The following MYOF variants were observed in gnomAD, a reference collection of about 807,000 sequenced individuals.
MYOF encodes fer-1-like 3, myoferlin.
Under a neutral mutation model 284.2 loss-of-function variants are expected in MYOF, and 244 were observed. That is an observed-to-expected ratio of 0.86 (90% confidence interval 0.77 to 0.95). MYOF has a LOEUF of 0.95. Among genes scored for constraint, MYOF ranks in the 40% least tolerant of loss-of-function variants. MYOF has a pLI of 0.00. For missense variants in MYOF, 2,496 were observed against 2,560.6 expected (o/e 0.97, Z 0.54); for synonymous variants, 904 against 919.7 (o/e 0.98, Z 0.31).
At chr10:93,418,480 A>T (rs1848224068) in intron 5 of MYOF, among the ~76,000 whole-genome samples, 1 of 152,234 alleles carries the variant, frequency 6.6e-6, no homozygotes, top group African/African-American at 2.4e-5. Context: ...GCATGTTCCA[A>T]TATGTAGACC....
rs1846998938 is a variant in MYOF at position 93,396,158 on chromosome 10, A to G, written c.1401T>C (p.Ser467=). 1.9e-6 allele frequency: 3 copies of G among 1,609,154 alleles called. No homozygotes were observed. The African/African-American group carries it at 4.0e-5, about 22-fold the overall frequency. ...TYLHLSKIAA[S]GGEVEDFSSS... ...GTGACTTACCTTCCACTTCCCCACCAGAGGCAGCAATTTTAGAGAGGTGTA... is the reference window on the plus strand; with the variant it reads ...GTGACTTACCTTCCACTTCCCCACCGGAGGCAGCAATTTTAGAGAGGTGTA... Residue 467 remains serine, a synonymous_variant, in exon 16 of 54, where the codon TCT becomes TCC. Coordinates refer to ENST00000359263, the MANE Select transcript of MYOF (RefSeq NM_013451.4).
intron 39 of MYOF, among the ~76,000 whole-genome samples, chr10:93,339,365 ATTTG>A (rs935953685): frequency 7.2e-5 from 5 of 69,438 alleles, no homozygotes; most frequent in African/African-American, 2.1e-4. Flanking sequence ...TATGCTTCTT[ATTTG>A]TGTGTGTGTG....
In MYOF at chr10:93,313,201, T is replaced by TCTAGGAAACCTAGC. The variant is rs765698303; in HGVS notation, c.5699-5_5707dup (p.Glu1903GlyfsTer2). The TCTAGGAAACCTAGC allele has an allele frequency of 6.8e-6, 11 of 1,612,814 alleles. No individual in the cohort carries two copies. In the East Asian group the frequency reaches 2.2e-4, roughly 33 times the overall value. On this transcript the variant is annotated stop_gained and frameshift_variant, in exon 51 of 54. Coordinates refer to ENST00000359263, the MANE Select transcript of MYOF (RefSeq NM_013451.4). LOFTEE classifies it high-confidence loss of function. ...AATGATCGTGTGACGCAAGTCAAGT[T>TCTAGGAAACCTAGC]CTAGGAAACCTAGCCAAGGAAACAA...
At chr10:93,389,640 A>G (rs543144378) in intron 17 of MYOF, among the ~76,000 whole-genome samples, 228 of 152,344 alleles carry the variant, frequency 1.5e-3, no homozygotes, top group Non-Finnish European at 2.5e-3. Flanking sequence ...TTTTATATGT[A>G]ATAATAAACT....
At chr10:93,445,051 G>C (rs984226594) in intron 3 of MYOF, among the ~76,000 whole-genome samples, 27 of 152,304 alleles carry the variant, frequency 1.8e-4, no homozygotes, top group African/African-American at 6.5e-4. Flanking sequence ...CTAGGGTGGA[G>C]CTTATAAAAG....
chr10:93,323,031 A>G (rs184597522), intron 48 of MYOF, 47 bp downstream of exon 48: 4 of 1,530,240 alleles, frequency 2.6e-6, no homozygotes, highest in Non-Finnish European at 3.6e-6. Context: ...CGAAGGAGAG[A>G]GTCTGTTTCC....
chr10:93,473,938 A>G (rs2057203574), intron 1 of MYOF, among the ~76,000 whole-genome samples: 1 of 152,298 alleles, frequency 6.6e-6, no homozygotes, highest in African/African-American at 2.4e-5. Flanking sequence ...CTGCCGCCTC[A>G]GGTGGCTACT....
At chr10:93,349,717 G>T in intron 36 of MYOF, 91 bp downstream of exon 36, 1 of 1,446,056 alleles carries the variant, frequency 6.9e-7, no homozygotes, top group Non-Finnish European at 9.3e-7. Flanking sequence ...TCAGGTTTTG[G>T]AAATAAACTC....
chr10:93,393,158 A>G (rs989869831), intron 16 of MYOF, among the ~76,000 whole-genome samples: 1 of 152,226 alleles, frequency 6.6e-6, no homozygotes, highest in African/African-American at 2.4e-5. Context: ...GGGCAGAACC[A>G]CCACACATGA....
chr10:93,470,377 T>C (rs1306432172), intron 1 of MYOF, among the ~76,000 whole-genome samples: 2 of 152,252 alleles, frequency 1.3e-5, no homozygotes, highest in East Asian at 3.9e-4. Context: ...ATAATGATAA[T>C]GTCTCCTTTC....
chr10:93,341,159 G>A (rs1461064988), intron 38 of MYOF, among the ~76,000 whole-genome samples: 1 of 152,198 alleles, frequency 6.6e-6, no homozygotes, highest in African/African-American at 2.4e-5. Flanking sequence ...ATTTTGGAGA[G>A]AGTGATTTTA....
chr10:93,325,399 C>T (rs1431718489), intron 46 of MYOF, among the ~76,000 whole-genome samples: 2 of 152,202 alleles, frequency 1.3e-5, no homozygotes, highest in Admixed American at 6.5e-5. Flanking sequence ...GCCCACCTCG[C>T]TGGAGCTCAG....
At position 93,341,907 on chromosome 10, in the gene MYOF, A is replaced by G. The variant is rs144143120; in HGVS notation, c.4327-1743T>C. The G allele has an allele frequency of 1.5e-4, 199 of 1,289,384 alleles. 1 individual carries two copies. The African/African-American group carries it at 2.6e-3, about 17-fold the overall frequency. 79.9% of individuals were successfully genotyped at this position (1,289,384 alleles called of 1,614,324 possible). A position where few individuals can be genotyped will look rare whatever the true frequency, so the allele number is the denominator to read the frequency against. ...GCAGCCTCATGCATTTGCTTATCAT[A>G]CATACATGCACTGTCGCTGGAGAAG... On this transcript the variant is annotated intron_variant, in intron 38 of 53. Coordinates refer to ENST00000359263, the MANE Select transcript of MYOF (RefSeq NM_013451.4).
At chr10:93,331,141 C>T (rs961857511) in intron 43 of MYOF, among the ~76,000 whole-genome samples, 3 of 152,040 alleles carry the variant, frequency 2.0e-5, no homozygotes, top group East Asian at 1.9e-4. Flanking sequence ...TGGAAGACAC[C>T]GATATTCTTT....
In MYOF at chr10:93,333,778, G is replaced by C; in HGVS notation, c.4699C>G (p.Pro1567Ala). The change falls in exon 42 of 54, where the codon CCC becomes GCC. Residue 1567 changes from proline (P) to alanine (A), a missense_variant. This residue lies in a region of MYOF where 2,436 missense variants were observed against 2,480.7 expected (regional missense o/e 0.98). Coordinates refer to ENST00000359263, the MANE Select transcript of MYOF (RefSeq NM_013451.4). ...IYIVRGLELQ[P>A]QDNNGLCDPY... ...CTTACCAGGCCATTGTTGTCCTGGG[G>C]CTGGAGCTCTAAGCCTCGAACAATG... 1 of 1,614,172 alleles carries C rather than the reference G, an allele frequency of 6.2e-7. No individual in the cohort carries two copies. Among genetic ancestry groups the C allele is most frequent in the South Asian group, 1.1e-5 (1 of 91,078 alleles).
At chr10:93,473,642 G>T (rs2057199046) in intron 1 of MYOF, among the ~76,000 whole-genome samples, 1 of 152,226 alleles carries the variant, frequency 6.6e-6, no homozygotes, top group African/African-American at 2.4e-5. Context: ...CTCTTGTGAG[G>T]TCTGTGATCT....
chr10:93,311,780 G>T (rs1355120151), intron 51 of MYOF, among the ~76,000 whole-genome samples: 1 of 152,184 alleles, frequency 6.6e-6, no homozygotes, highest in Non-Finnish European at 1.5e-5. Context: ...CTGGGTTTCT[G>T]ACTTTGGCAA....
At chr10:93,433,410 C>T (rs1368220778) in intron 3 of MYOF, among the ~76,000 whole-genome samples, 2 of 152,238 alleles carry the variant, frequency 1.3e-5, no homozygotes, top group African/African-American at 2.4e-5. Flanking sequence ...CCACCTGCCT[C>T]AGCCTCTCAA....
rs554645780 is a variant in MYOF, at chr10:93,336,128, G to C, written c.4438-82C>G. ...TCAAAAGGGCTGACAGTATCAAGTG[G>C]GCCTGAGGTTGTGGATGGGGCGACC... On this transcript the variant is annotated intron_variant, in intron 40 of 53. Coordinates refer to ENST00000359263, the MANE Select transcript of MYOF (RefSeq NM_013451.4). The C allele has an allele frequency of 5.3e-6, 8 of 1,501,530 alleles. No homozygotes were observed. The South Asian group carries it at 1.0e-4, about 20-fold the overall frequency. The allele number at this position is 1,501,530 out of a possible 1,614,324, so 93.0% of individuals were successfully genotyped here.
Sources: allele counts gnomAD v4.1 joint callset (sites outside exome capture counted in the v4.1 genomes callset), GRCh38; gene constraint gnomAD v4.1.1; regional missense constraint gnomAD v4.1.1; transcripts MANE v1.5; gene names NCBI Gene and HGNC (gene_info 2026-07-23, HGNC 2026-07-21).